Variants in KDM1A observed in about 807,000 individuals in gnomAD.
KDM1A encodes the protein lysine demethylase 1A.
KDM1A carries 49 observed loss-of-function variants against 109.4 expected under a neutral mutation model. That is an observed-to-expected ratio of 0.45 (90% CI 0.36 to 0.57). The LOEUF (loss-of-function observed/expected upper bound fraction) is 0.57, where lower values mean the gene tolerates loss of function less well. Among genes scored for constraint, KDM1A ranks in the 20% least tolerant of loss-of-function variants. The probability of loss-of-function intolerance (pLI) is 0.00; values close to 1 mark genes in which losing one functional copy is unlikely to be tolerated. For synonymous variants in KDM1A, 380 were observed against 415.4 expected (o/e 0.91, Z 1.04); for missense variants, 668 against 1,116.6 (o/e 0.60, Z 5.73).
chr1:23,059,752 A>G (rs577001180), intron 9 of KDM1A, among the ~76,000 whole-genome samples: 13 of 152,368 alleles, frequency 8.5e-5, no homozygotes, highest in Non-Finnish European at 1.2e-4. Context: ...CTTAGATTAC[A>G]TAAGTCAGTC....
intron 2 of KDM1A, among the ~76,000 whole-genome samples, chr1:23,033,531 C>G (rs1642053897): frequency 6.6e-6 from 1 of 151,980 alleles, no homozygotes; most frequent in Non-Finnish European, 1.5e-5. Context: ...AAAAAAAATC[C>G]AAAAAACAAA....
chr1:23,061,077 G>C (rs1642986341), intron 9 of KDM1A, among the ~76,000 whole-genome samples: 1 of 152,174 alleles, frequency 6.6e-6, no homozygotes, highest in African/African-American at 2.4e-5. Context: ...CCAGAGAAAT[G>C]GACTGCTTTC....
intron 2 of KDM1A, among the ~76,000 whole-genome samples, chr1:23,042,440 A>ATTATTATTATTT (rs1553127465): frequency 3.7e-3 from 79 of 21,554 alleles, no homozygotes; most frequent in African/African-American, 6.3e-3. Context: ...GAAATATATT[A>ATTATTATTATTT]TTTTTTTTTT....
At chr1:23,076,690 G>A (rs1643474426) in intron 15 of KDM1A, among the ~76,000 whole-genome samples, 1 of 152,132 alleles carries the variant, frequency 6.6e-6, no homozygotes, top group African/African-American at 2.4e-5. Context: ...ATCCAGGGAA[G>A]GCCGAGCGTG....
chr1:23,048,955 T>G (rs961156930), intron 3 of KDM1A, among the ~76,000 whole-genome samples: 11 of 151,494 alleles, frequency 7.3e-5, no homozygotes, highest in Admixed American at 4.6e-4. Context: ...TCCAGACTAG[T>G]CTAGCCAACA....
intron 16 of KDM1A, 63 bp downstream of exon 16, chr1:23,077,423 A>T: frequency 6.5e-7 from 1 of 1,528,408 alleles, no homozygotes; most frequent in East Asian, 2.3e-5. Flanking sequence ...ATCTTTTGTT[A>T]GGTGCGACCT....
At chr1:23,060,360 G>A (rs1642964193) in intron 9 of KDM1A, among the ~76,000 whole-genome samples, 1 of 152,174 alleles carries the variant, frequency 6.6e-6, no homozygotes, top group Non-Finnish European at 1.5e-5. Flanking sequence ...GTGAACCTCT[G>A]TTTTCCCAAT....
intron 3 of KDM1A, among the ~76,000 whole-genome samples, chr1:23,046,574 G>A (rs1642510567): frequency 2.6e-5 from 4 of 152,124 alleles, no homozygotes; most frequent in South Asian, 4.2e-4. Context: ...TATCTTACAC[G>A]AATCAAGAGG....
At chr1:23,039,813 A>C (rs1048754544) in intron 2 of KDM1A, among the ~76,000 whole-genome samples, 4 of 152,178 alleles carry the variant, frequency 2.6e-5, no homozygotes, top group Non-Finnish European at 5.9e-5. Flanking sequence ...TTAACAACAA[A>C]AGTTTCCTTG....
chr1:23,079,218 C>A lies in KDM1A; in HGVS notation c.2055+41C>A, dbSNP rs772225855. On this transcript the variant is annotated intron_variant, in intron 17 of 20. Transcript: ENST00000400181. The surrounding 1 kb of genome is among the most constrained non-coding windows in gnomAD (Gnocchi z 5.6). ...CACTCCTGTCTACAGATCTGATGTA[C>A]AAATAGCAGTCTTCGTTGTTTACTT... is the stretch of plus-strand genomic sequence containing the variant. 2.5e-6 allele frequency: 4 copies of A among 1,577,192 alleles called. No homozygotes were observed. Among genetic ancestry groups the A allele is most frequent in the African/African-American group, 2.7e-5 (2 of 73,578 alleles).
In KDM1A at chr1:23,048,362, G is replaced by A. The variant is rs147532766; in HGVS notation, c.578-2025G>A. 2.7e-3 allele frequency among the ~76,000 whole-genome samples: 406 copies of A among 152,114 alleles called. 4 individuals are homozygous for A. The highest frequency in any genetic ancestry group is 9.1e-3 in the African/African-American group (376 of 41,496). On this transcript the variant is annotated intron_variant, in intron 3 of 20. Coordinates refer to ENST00000400181, the MANE Select transcript of KDM1A (RefSeq NM_001009999.3). ...AAATAAACTGTATCCACAATAGTAA[G>A]CATTTCTTCTTTTCTTGCTGTAATT... is the stretch of plus-strand genomic sequence containing the variant.
chr1:23,067,489 G>T (rs1454363080), intron 10 of KDM1A, among the ~76,000 whole-genome samples: 2 of 152,160 alleles, frequency 1.3e-5, no homozygotes, highest in East Asian at 3.8e-4. Flanking sequence ...TACTGGGATG[G>T]TCTTGTCAAC....
intron 2 of KDM1A, among the ~76,000 whole-genome samples, chr1:23,036,649 G>A (rs997268933): frequency 6.6e-6 from 1 of 151,934 alleles, no homozygotes; most frequent in Non-Finnish European, 1.5e-5. Flanking sequence ...TACAACACAC[G>A]GTCCCCACTC....
rs748779065 is a variant in KDM1A, at chr1:23,068,658, C to G, written c.1299C>G (p.Gly433=). 2.5e-6 allele frequency: 4 copies of G among 1,573,336 alleles called. No homozygotes were observed. In the Admixed American group the frequency reaches 8.3e-5, roughly 33 times the overall value. The change falls in exon 11 of 21, where the codon GGC becomes GGG. Residue 433 remains glycine (G), a synonymous_variant. Coordinates refer to ENST00000400181, the MANE Select transcript of KDM1A (RefSeq NM_001009999.3). The part of the protein sequence containing the change: ...NVLNNKPVSL[G]QALEVVIQLQ... Reference sequence around the variant, plus strand: ...TCAATAATAAGCCTGTGTCCCTTGGCCAGGCATTGGAAGTTGTCATTCAGT... The same window carrying G: ...TCAATAATAAGCCTGTGTCCCTTGGGCAGGCATTGGAAGTTGTCATTCAGT...
At chr1:23,022,739 G>A (rs1235799736) in intron 1 of KDM1A, among the ~76,000 whole-genome samples, 1 of 129,622 alleles carries the variant, frequency 7.7e-6, no homozygotes, top group African/African-American at 2.9e-5. Context: ...GCTTACTACA[G>A]CCTCCTCCTC....
At chr1:23,049,974 G>A (rs1241664679) in intron 3 of KDM1A, among the ~76,000 whole-genome samples, 1 of 152,158 alleles carries the variant, frequency 6.6e-6, no homozygotes, top group African/African-American at 2.4e-5. Context: ...TCTGTTTCAT[G>A]CTGTAATCCT....
intron 2 of KDM1A, among the ~76,000 whole-genome samples, chr1:23,042,853 A>G (rs1642392935): frequency 1.3e-5 from 2 of 151,964 alleles, no homozygotes; most frequent in Admixed American, 1.3e-4. Context: ...GGTTCAAGTG[A>G]TTCTCCTGCC....
At chr1:23,082,683 G>C (rs1013421469) in intron 20 of KDM1A, 9 of 245,110 alleles carry the variant, frequency 3.7e-5, no homozygotes, top group Non-Finnish European at 6.3e-5. Flanking sequence ...TAGGATTGCT[G>C]TAAGGTCTCA....
chr1:23,079,651 C>T lies in KDM1A; in HGVS notation c.2154C>T (p.Phe718=). ...TTASRGELFL[F]WNLYKAPILL... ...CCAGCAGGGGTGAGCTCTTCCTCTT[C>T]TGGAACCTCTATAAAGGTAAATGCC... The change falls in exon 18 of 21, where the codon TTC becomes TTT. Residue 718 remains phenylalanine (F), a synonymous_variant. Coordinates refer to ENST00000400181, the MANE Select transcript of KDM1A (RefSeq NM_001009999.3). The surrounding 1 kb of genome is among the most constrained non-coding windows in gnomAD (Gnocchi z 5.6). The T allele has an allele frequency of 6.2e-7, 1 of 1,609,702 alleles. No homozygotes were observed. Among genetic ancestry groups the T allele is most frequent in the Non-Finnish European group, 8.5e-7 (1 of 1,176,550 alleles).
Sources: gnomAD v4.1 joint callset for allele counts (sites outside exome capture counted in the v4.1 genomes callset) on GRCh38, gnomAD v4.1.1 for gene constraint, Gnocchi (gnomAD v3.1) non-coding constraint, MANE v1.5 for transcripts, NCBI Gene and HGNC (gene_info 2026-07-23, HGNC 2026-07-21) for gene names.